Variants in ADD3 observed in about 807,000 individuals in gnomAD.
ADD3 encodes the protein adducin 3.
Under a neutral mutation model 80.2 loss-of-function variants are expected in ADD3, and 25 were observed. The ratio of observed to expected loss-of-function variants is 0.31; its 90% CI spans 0.23 to 0.44. The LOEUF (loss-of-function observed/expected upper bound fraction) is 0.44, where lower values mean the gene tolerates loss of function less well. ADD3 is among the 20% of genes least tolerant of loss of function. ADD3 has a pLI of 1.00. For synonymous variants in ADD3, 284 were observed against 289.6 expected (o/e 0.98, Z 0.20); for missense variants, 829 against 847.5 (o/e 0.98, Z 0.27).
Position 110,119,546 on chromosome 10 carries a change from A to G in ADD3, c.942A>G (p.Gln314=), listed in dbSNP as rs1397232826. The change falls in exon 8 of 15, where the codon CAA becomes CAG. Residue 314 remains glutamine (Q), a synonymous_variant. Coordinates refer to ENST00000356080, the MANE Select transcript of ADD3 (RefSeq NM_016824.5). ...EEAFHYIFNV[Q]LACEIQVQAL... is the part of the protein sequence containing the mutation. Reference sequence around the variant, plus strand: ...CTTTTCATTATATTTTTAATGTGCAACTAGCCTGTGAGATTCAGGTAGGAA... The same window carrying G: ...CTTTTCATTATATTTTTAATGTGCAGCTAGCCTGTGAGATTCAGGTAGGAA... 17 of 1,613,674 alleles carry G rather than the reference A, an allele frequency of 1.1e-5. No homozygotes were observed. Among genetic ancestry groups the G allele is most frequent in the Non-Finnish European group, 1.4e-5 (17 of 1,179,632 alleles).
intron 1 of ADD3, among the ~76,000 whole-genome samples, chr10:110,042,613 A>G (rs140521391): frequency 2.0e-3 from 307 of 151,956 alleles, no homozygotes; most frequent in African/African-American, 7.0e-3. Flanking sequence ...TTTTGGTGTT[A>G]TCTAGAAGAA....
chr10:110,126,431 T>A lies in ADD3; in HGVS notation c.1536T>A (p.Asn512Lys), dbSNP rs749357971. The A allele has an allele frequency of 6.2e-7, 1 of 1,613,482 alleles. No individual in the cohort carries two copies. The highest frequency in any genetic ancestry group is 8.5e-7 in the Non-Finnish European group (1 of 1,179,848). ...LEKRNKIREQ[N>K]RYDLKTAGPQ... ...TTTCAATTCAGATTCGGGAACAAAA[T>A]CGATATGACTTGAAAACAGCAGGAC... The change falls in exon 12 of 15, where the codon AAT becomes AAA. Residue 512 changes from asparagine (N) to lysine (K), a missense_variant. Transcript: ENST00000356080.
chr10:110,074,668 CAAT>C (rs1845181767), intron 1 of ADD3, among the ~76,000 whole-genome samples: 1 of 151,572 alleles, frequency 6.6e-6, no homozygotes, highest in South Asian at 2.1e-4. Flanking sequence ...ACTTTCATAA[CAAT>C]AACTAATCGC....
intron 1 of ADD3, among the ~76,000 whole-genome samples, chr10:110,057,089 G>A (rs1012030302): frequency 2.0e-5 from 3 of 152,090 alleles, no homozygotes; most frequent in African/African-American, 7.2e-5. Flanking sequence ...ATATTTTGAT[G>A]CCTTTATGGA....
At chr10:110,112,955 C>A in intron 3 of ADD3, 40 bp downstream of exon 3, 1 of 1,596,078 alleles carries the variant, frequency 6.3e-7, no homozygotes, top group Non-Finnish European at 8.5e-7. Flanking sequence ...TATAATTTTA[C>A]TTCCACTTTG....
chr10:110,098,160 T>C (rs1039643849), intron 1 of ADD3, among the ~76,000 whole-genome samples: 2 of 152,182 alleles, frequency 1.3e-5, no homozygotes, highest in African/African-American at 4.8e-5. Context: ...AGGCAGTCAA[T>C]TGATTTGATT....
intron 1 of ADD3, among the ~76,000 whole-genome samples, chr10:110,085,202 C>T (rs993106477): frequency 3.9e-5 from 6 of 152,182 alleles, no homozygotes; most frequent in Non-Finnish European, 7.3e-5. Flanking sequence ...CAGGAAAGAG[C>T]CTAGACCTCT....
At chr10:110,029,403 GCATTAA>G (rs949778449) in intron 1 of ADD3, among the ~76,000 whole-genome samples, 5 of 152,160 alleles carry the variant, frequency 3.3e-5, no homozygotes, top group African/African-American at 1.2e-4. Context: ...TCTTCTTCCG[GCATTAA>G]CATTAATTTG....
intron 1 of ADD3, among the ~76,000 whole-genome samples, chr10:110,050,139 T>G (rs1857342500): frequency 6.6e-6 from 1 of 152,148 alleles, no homozygotes; most frequent in African/African-American, 2.4e-5. Context: ...GAGTTAAGAC[T>G]TTGGGGGACT....
In ADD3 at chr10:110,119,503, G is replaced by A; in HGVS notation, c.899G>A (p.Gly300Glu). Residue 300 changes from glycine (G) to glutamate (E), a missense_variant, in exon 8 of 15, where the codon GGA (glycine) becomes GAA (glutamate). Physicochemically the swap from Gly to Glu is moderately conservative, Grantham distance 98. Coordinates refer to ENST00000356080, the MANE Select transcript of ADD3 (RefSeq NM_016824.5). ...AGGAATCATGGTGTGGTTGCACTTG[G>A]AGAAACATTAGAGGAGGCTTTTCAT... ...VLRNHGVVAL[G>E]ETLEEAFHYI... 6.2e-7 allele frequency: 1 copy of A among 1,614,172 alleles called. No homozygotes were observed. The highest frequency in any genetic ancestry group is 8.5e-7 in the Non-Finnish European group (1 of 1,180,010).
intron 8 of ADD3, among the ~76,000 whole-genome samples, chr10:110,121,370 C>G (rs1211510037): frequency 6.6e-6 from 1 of 152,128 alleles, no homozygotes; most frequent in South Asian, 2.1e-4. Context: ...GTAATCCCAG[C>G]TACTTGGGAG....
intron 1 of ADD3, among the ~76,000 whole-genome samples, chr10:110,019,348 T>A (rs1430016049): frequency 6.6e-6 from 1 of 150,574 alleles, no homozygotes; most frequent in Non-Finnish European, 1.5e-5. Flanking sequence ...GCAAGTAACT[T>A]TCTGTTTGCT....
chr10:110,031,249 G>A (rs1854985679), intron 1 of ADD3, among the ~76,000 whole-genome samples: 1 of 152,028 alleles, frequency 6.6e-6, no homozygotes, highest in South Asian at 2.1e-4. Context: ...CTCCAGCCTG[G>A]GCAACAAGAG....
chr10:110,101,686 A>G (rs112335340), intron 2 of ADD3, among the ~76,000 whole-genome samples: 3 of 152,204 alleles, frequency 2.0e-5, no homozygotes, highest in African/African-American at 7.2e-5. Flanking sequence ...CTGTCTGCAC[A>G]GCAATAGTCA....
At chr10:110,050,033 C>G (rs970488393) in intron 1 of ADD3, among the ~76,000 whole-genome samples, 27 of 152,106 alleles carry the variant, frequency 1.8e-4, no homozygotes, top group African/African-American at 6.5e-4. Context: ...CAGGATGTAA[C>G]TAACTTGATT....
chr10:110,013,944 G>C (rs1007809229), intron 1 of ADD3, among the ~76,000 whole-genome samples: 1 of 152,238 alleles, frequency 6.6e-6, no homozygotes. Context: ...ACCATTAGCA[G>C]TGTTTCTGTG....
chr10:110,043,315 C>CT lies in ADD3; in HGVS notation c.-30+35024dup, dbSNP rs956939163. Among the ~76,000 whole-genome samples the CT allele has an allele frequency of 1.3e-4, 20 of 151,962 alleles. 1 individual carries two copies. Among genetic ancestry groups the CT allele is most frequent in the Admixed American group, 9.2e-4 (14 of 15,268 alleles). ...AAGAAATTGACCTCCTCCCAGGTTT[C>CT]TTTTTTTTAAACAAATCCTATTTAT... is the stretch of plus-strand genomic sequence containing the variant. On this transcript the variant is annotated intron_variant, in intron 1 of 14. Transcript: ENST00000356080.
At chr10:110,032,137 AAG>A (rs1303983004) in intron 1 of ADD3, among the ~76,000 whole-genome samples, 4 of 152,214 alleles carry the variant, frequency 2.6e-5, no homozygotes, top group Non-Finnish European at 5.9e-5. Context: ...CATATAAGGA[AAG>A]AGATTTTTAT....
chr10:110,060,690 ATATGC>A (rs1858778227), intron 1 of ADD3, among the ~76,000 whole-genome samples: 1 of 152,190 alleles, frequency 6.6e-6, no homozygotes, highest in Non-Finnish European at 1.5e-5. Flanking sequence ...TCTGAGCCTA[ATATGC>A]TAGTAGATTG....
Sources: allele counts gnomAD v4.1 joint callset (sites outside exome capture counted in the v4.1 genomes callset), GRCh38; gene constraint gnomAD v4.1.1; transcripts MANE v1.5; gene names NCBI Gene and HGNC (gene_info 2026-07-23, HGNC 2026-07-21).